Variants in ANK3 observed in about 807,000 individuals in gnomAD.
ANK3 encodes the protein ankyrin-3.
A neutral mutation model predicts 370.9 loss-of-function variants in ANK3; 57 were observed. The observed-to-expected ratio is 0.15, with a 90% CI of 0.12 to 0.19. The LOEUF (loss-of-function observed/expected upper bound fraction) is 0.19, where lower values mean the gene tolerates loss of function less well. Among genes scored for constraint, ANK3 ranks in the 10% least tolerant of loss-of-function variants. ANK3 has a pLI of 1.00. For synonymous variants in ANK3, 1,929 were observed against 1,946.3 expected, an observed-to-expected ratio of 0.99 and a Z score of 0.23; for missense variants, 4,439 against 5,302.1, an observed-to-expected ratio of 0.84 and a Z score of 5.06.
intron 1 of ANK3, among the ~76,000 whole-genome samples, chr10:60,280,125 G>T (rs572121014): frequency 2.0e-5 from 3 of 152,308 alleles, no homozygotes; most frequent in African/African-American, 7.2e-5. Flanking sequence ...GTGCAGTGGT[G>T]CAATCACAGC....
intron 1 of ANK3, chr10:60,685,328 T>C (rs984949242): frequency 3.1e-4 from 60 of 196,370 alleles, no homozygotes; most frequent in African/African-American, 1.3e-3. Context: ...CAAGCAAGGA[T>C]AGTAAATTGA....
chr10:60,403,459 T>C (rs1354305324), intron 2 of ANK3, among the ~76,000 whole-genome samples: 5 of 152,174 alleles, frequency 3.3e-5, no homozygotes, highest in African/African-American at 1.2e-4. Flanking sequence ...TTACAAAATA[T>C]TAGCAAAATC....
chr10:60,727,730 A>T (rs1322994254), intron 1 of ANK3, among the ~76,000 whole-genome samples: 3 of 152,108 alleles, frequency 2.0e-5, no homozygotes, highest in Non-Finnish European at 2.9e-5. Flanking sequence ...TCTCATATCT[A>T]ATCTAGGTAT....
intron 2 of ANK3, among the ~76,000 whole-genome samples, chr10:60,511,281 ATT>A (rs1242606727): frequency 6.6e-6 from 1 of 152,160 alleles, no homozygotes; most frequent in Non-Finnish European, 1.5e-5. Flanking sequence ...TGCAATGGGT[ATT>A]TTGTTACTAT....
At chr10:60,031,836 C>T (rs1224461371) in intron 43 of ANK3, among the ~76,000 whole-genome samples, 1 of 152,168 alleles carries the variant, frequency 6.6e-6, no homozygotes, top group Non-Finnish European at 1.5e-5. Flanking sequence ...AAAAGTGCTA[C>T]TGACCTCCAT....
intron 23 of ANK3, among the ~76,000 whole-genome samples, chr10:60,145,814 G>T (rs948769408): frequency 9.9e-5 from 15 of 152,256 alleles, no homozygotes; most frequent in Admixed American, 5.9e-4. Context: ...CTCCTTGAGG[G>T]CAAGGGGGCT....
In ANK3 at chr10:60,264,115, A is replaced by T. The variant is rs942192626; in HGVS notation, c.514-95T>A. Reference sequence around the variant, plus strand: ...GAAGGCAACCAAGTGACCAAGCATCAATTTTTGTTTGGGATTATTAAAACT... The same window carrying T: ...GAAGGCAACCAAGTGACCAAGCATCTATTTTTGTTTGGGATTATTAAAACT... On this transcript the variant is annotated intron_variant, in intron 5 of 43. Transcript: ENST00000280772. The T allele has an allele frequency of 9.2e-6, 10 of 1,089,846 alleles. No homozygotes were observed. In the South Asian group the frequency reaches 1.6e-4, roughly 18 times the overall value. The allele number at this position is 1,089,846 out of a possible 1,614,324, so 67.5% of individuals were successfully genotyped here. A position where few individuals can be genotyped will look rare whatever the true frequency, so the allele number is the denominator to read the frequency against.
At chr10:60,630,736 A>C (rs961678303) in intron 1 of ANK3, among the ~76,000 whole-genome samples, 3 of 152,186 alleles carry the variant, frequency 2.0e-5, no homozygotes, top group Non-Finnish European at 4.4e-5. Flanking sequence ...GTTGATAAAA[A>C]AGCACAGAGG....
At chr10:60,142,196 C>T (rs73261182) in intron 23 of ANK3, among the ~76,000 whole-genome samples, 1 of 152,294 alleles carries the variant, frequency 6.6e-6, no homozygotes, top group East Asian at 1.9e-4. Flanking sequence ...TCCTGTTATA[C>T]AGAATTTTTT....
intron 16 of ANK3, among the ~76,000 whole-genome samples, chr10:60,193,834 G>A (rs1031227727): frequency 2.0e-5 from 3 of 151,928 alleles, no homozygotes; most frequent in African/African-American, 7.3e-5. Flanking sequence ...CATAAGAAAA[G>A]TAGGGGCTGG....
intron 2 of ANK3, among the ~76,000 whole-genome samples, chr10:60,525,254 AT>A: frequency 6.6e-6 from 1 of 152,176 alleles, no homozygotes; most frequent in South Asian, 2.1e-4. Context: ...GATTTTTAAC[AT>A]TTTCACTCCC....
At chr10:60,703,114 T>C (rs2133420250) in intron 1 of ANK3, among the ~76,000 whole-genome samples, 1 of 152,246 alleles carries the variant, frequency 6.6e-6, no homozygotes, top group East Asian at 1.9e-4. Flanking sequence ...TGGACCTTCT[T>C]AGGATCCTAA....
At chr10:60,212,041 T>C (rs1281325940) in intron 9 of ANK3, among the ~76,000 whole-genome samples, 1 of 151,866 alleles carries the variant, frequency 6.6e-6, no homozygotes, top group Non-Finnish European at 1.5e-5. Flanking sequence ...AAGAACAGGA[T>C]ACTTTAAGAA....
intron 1 of ANK3, among the ~76,000 whole-genome samples, chr10:60,710,116 T>C (rs577307827): frequency 6.6e-6 from 1 of 152,316 alleles, no homozygotes; most frequent in South Asian, 2.1e-4. Flanking sequence ...GTTTATGGTA[T>C]TGCACTAACC....
intron 1 of ANK3, among the ~76,000 whole-genome samples, chr10:60,299,198 G>A (rs1170204242): frequency 2.0e-5 from 3 of 152,038 alleles, no homozygotes; most frequent in Non-Finnish European, 4.4e-5. Flanking sequence ...TTTCATAATT[G>A]TACATATGCA....
intron 2 of ANK3, among the ~76,000 whole-genome samples, chr10:60,445,536 A>G (rs920518813): frequency 9.9e-5 from 15 of 151,802 alleles, no homozygotes; most frequent in Non-Finnish European, 1.6e-4. Context: ...TTTGTCTGGT[A>G]TATCTTCTAC....
intron 1 of ANK3, among the ~76,000 whole-genome samples, chr10:60,628,993 T>C (rs1203766702): frequency 6.6e-6 from 1 of 152,176 alleles, no homozygotes; most frequent in Non-Finnish European, 1.5e-5. Context: ...TTATTGAAAA[T>C]AGTTTCTCTG....
chr10:60,376,227 T>TA (rs896151911), intron 1 of ANK3, among the ~76,000 whole-genome samples: 19 of 152,284 alleles, frequency 1.2e-4, no homozygotes, highest in African/African-American at 4.6e-4. Flanking sequence ...GGTAGCACTT[T>TA]AAAAAACAGG....
At chr10:60,526,712 A>T (rs944305250) in intron 2 of ANK3, among the ~76,000 whole-genome samples, 2 of 152,196 alleles carry the variant, frequency 1.3e-5, no homozygotes, top group Non-Finnish European at 2.9e-5. Flanking sequence ...GTGGAAAAGA[A>T]ATGAGAGACC....
Sources: allele counts gnomAD v4.1 joint callset (sites outside exome capture counted in the v4.1 genomes callset), GRCh38; gene constraint gnomAD v4.1.1; transcripts MANE v1.5; gene names NCBI Gene and HGNC (gene_info 2026-07-23, HGNC 2026-07-21).